The following LAMA4 variants were observed in gnomAD, a reference collection of about 807,000 sequenced individuals.
The protein encoded by LAMA4 is laminin subunit alpha-4.
In LAMA4, 127 loss-of-function variants were observed where a neutral mutation model predicts 207.1. The observed-to-expected ratio is 0.61, with a 90% CI of 0.53 to 0.71. The LOEUF (loss-of-function observed/expected upper bound fraction) is 0.71, where lower values mean the gene tolerates loss of function less well. LAMA4 is among the 30% of genes least tolerant of loss of function. The pLI, the probability that LAMA4 is intolerant of heterozygous loss-of-function variation, is 0.00. For synonymous variants in LAMA4, 761 were observed against 816.0 expected, an observed-to-expected ratio of 0.93 and a Z score of 1.15; for missense variants, 2,093 against 2,246.5, an observed-to-expected ratio of 0.93 and a Z score of 1.38.
At chr6:112,238,448 G>A (rs1212744567) in intron 2 of LAMA4, among the ~76,000 whole-genome samples, 1 of 152,158 alleles carries the variant, frequency 6.6e-6, no homozygotes, top group African/African-American at 2.4e-5. Context: ...GGTGGCTCAT[G>A]CCTGTAATTC....
At position 112,150,570 on chromosome 6, in the gene LAMA4, T is replaced by C. The variant is rs1780338421; in HGVS notation, c.2114A>G (p.Lys705Arg). The change falls in exon 17 of 39, where the codon AAA becomes AGA. Residue 705 changes from lysine to arginine, a missense_variant. This residue lies in a region of LAMA4 where 1,704 missense variants were observed against 1,788.4 expected (regional missense o/e 0.95). Coordinates refer to ENST00000230538, the MANE Select transcript of LAMA4 (RefSeq NM_001105206.3). ...ACTGAGTCTGGTTTTAAGGGCACTTTTCCTTGCTAGGGCTCCACCCACACG... is the reference window on the plus strand; with the variant it reads ...ACTGAGTCTGGTTTTAAGGGCACTTCTCCTTGCTAGGGCTCCACCCACACG... ...SRRVGGALAR[K>R]SALKTRLSDA... 3 of 1,614,046 alleles carry C rather than the reference T, an allele frequency of 1.9e-6. No homozygotes were observed. The African/African-American group carries it at 4.0e-5, about 22-fold the overall frequency.
At position 112,134,625 on chromosome 6, in the gene LAMA4, T is replaced by C; in HGVS notation, c.3415-16A>G. On this transcript the variant is annotated splice_polypyrimidine_tract_variant and intron_variant, in intron 25 of 38. Coordinates refer to ENST00000230538, the MANE Select transcript of LAMA4 (RefSeq NM_001105206.3). ...TGATTGAGATCTGGGAGAGATAATA[T>C]ATAGTAAGCCTTGATTAACTATTTA... 2.5e-6 allele frequency: 4 copies of C among 1,585,980 alleles called. No individual in the cohort carries two copies. The highest frequency in any genetic ancestry group is 1.3e-5 in the African/African-American group (1 of 74,482).
At position 112,109,423 on chromosome 6, in the gene LAMA4, T is replaced by G; in HGVS notation, c.*14A>C. 1 of 1,613,672 alleles carries G rather than the reference T, an allele frequency of 6.2e-7. No homozygotes were observed. Among genetic ancestry groups the G allele is most frequent in the Admixed American group, 1.7e-5 (1 of 59,988 alleles). ...CTAAAGAACTTTGTATTTGGGCAGC[T>G]GTGCTCTGTCATGTCAGGCTGCTGG... is the stretch of plus-strand genomic sequence containing the variant. On this transcript the variant is annotated 3_prime_UTR_variant, in exon 39 of 39. Coordinates refer to ENST00000230538, the MANE Select transcript of LAMA4 (RefSeq NM_001105206.3).
rs782633010 is a variant in LAMA4, at chr6:112,227,041, T to TTTTTTTTATTTA, written c.196-10573_196-10572insTAAATAAAAAAA. On this transcript the variant is annotated intron_variant, in intron 2 of 38. Coordinates refer to ENST00000230538, the MANE Select transcript of LAMA4 (RefSeq NM_001105206.3). ...AGAAAGAGTCTCAGGGCTTCGACTATTTTATTTATTTATTTATTTATTTAT... is the reference window on the plus strand; with the variant it reads ...AGAAAGAGTCTCAGGGCTTCGACTATTTTTTTTATTTATTTATTTATTTATTTATTTATTTAT... 1.1e-3 allele frequency among the ~76,000 whole-genome samples: 153 copies of TTTTTTTTATTTA among 141,706 alleles called. 1 individual carries two copies. The highest frequency in any genetic ancestry group is 3.7e-3 in the African/African-American group (141 of 38,114). 93.0% of individuals were successfully genotyped at this position (141,706 alleles called of 152,430 possible).
chr6:112,134,104 A>ACACAAAG (rs2114663581), intron 26 of LAMA4, among the ~76,000 whole-genome samples: 1 of 152,346 alleles, frequency 6.6e-6, no homozygotes, highest in African/African-American at 2.4e-5. Context: ...CTCAGATGCT[A>ACACAAAG]TTGGAGAGTT....
Position 112,140,963 on chromosome 6 carries a change from A to T in LAMA4, c.2814-41T>A, listed in dbSNP as rs574522640. ...ATTTTCACTTGTTATTATATAATTC[A>T]TAGAAAATACTTTTTAAATGTCAAA... is the stretch of plus-strand genomic sequence containing the variant. On this transcript the variant is annotated intron_variant, in intron 21 of 38. Transcript: ENST00000230538. 21 of 1,549,336 alleles carry T rather than the reference A, an allele frequency of 1.4e-5. No homozygotes were observed. The African/African-American group carries it at 2.7e-4, about 20-fold the overall frequency.
intron 16 of LAMA4, among the ~76,000 whole-genome samples, 188 bp from the exon 17 acceptor site, chr6:112,150,815 A>G (rs1307696983): frequency 6.6e-6 from 1 of 152,212 alleles, no homozygotes; most frequent in Non-Finnish European, 1.5e-5. Flanking sequence ...AGAATTGCAG[A>G]ACACTTGTAA....
chr6:112,114,332 C>T, intron 37 of LAMA4, 137 bp from the exon 38 acceptor site: 1 of 859,006 alleles, frequency 1.2e-6, no homozygotes. Context: ...TTATTAAAAT[C>T]ATCAATGATG....
chr6:112,207,100 C>T lies in LAMA4; in HGVS notation c.343G>A (p.Asp115Asn), dbSNP rs781919095. ...CTGATGGAATCTCCGATATAACCAT[C>T]CAGACACTTTTCACAGTGCTCTCCT... ...TTGEHCEKCL[D>N]GYIGDSIRGA... is the part of the protein sequence containing the mutation. Residue 115 changes from aspartate (D) to asparagine (N), a missense_variant, in exon 4 of 39, where the codon GAT becomes AAT. Coordinates refer to ENST00000230538, the MANE Select transcript of LAMA4 (RefSeq NM_001105206.3). 3.7e-6 allele frequency: 6 copies of T among 1,613,898 alleles called. No individual in the cohort carries two copies. Among genetic ancestry groups the T allele is most frequent in the Non-Finnish European group, 5.1e-6 (6 of 1,179,964 alleles).
At chr6:112,231,241 C>G (rs957247375) in intron 2 of LAMA4, among the ~76,000 whole-genome samples, 19 of 152,206 alleles carry the variant, frequency 1.2e-4, no homozygotes, top group African/African-American at 4.3e-4. Flanking sequence ...GGTCTTAATA[C>G]CACTCCCCAG....
rs2277086 is a variant in LAMA4 at position 112,154,781 on chromosome 6, C to T, written c.2056+70G>A. The T allele has an allele frequency of 8.4e-3, 7,896 of 941,886 alleles. 227 individuals carry two copies. The highest frequency in any genetic ancestry group is 0.082 in the East Asian group (3,425 of 41,816). The allele number at this position is 941,886 out of a possible 1,614,324, so 58.3% of individuals were successfully genotyped here. ...TCTTTAATCCTAGATTTGGAAATCT[C>T]TGTCTACGTGTATGAAAGGAGGGAA... On this transcript the variant is annotated intron_variant, in intron 16 of 38. Transcript: ENST00000230538.
intron 2 of LAMA4, among the ~76,000 whole-genome samples, chr6:112,247,542 G>A (rs1405658988): frequency 1.3e-5 from 2 of 152,084 alleles, no homozygotes; most frequent in Non-Finnish European, 2.9e-5. Flanking sequence ...AAAACCAGAA[G>A]ACCTGGCAAT....
chr6:112,144,023 A>T (rs1258279813), intron 19 of LAMA4, among the ~76,000 whole-genome samples: 1 of 152,208 alleles, frequency 6.6e-6, no homozygotes, highest in Admixed American at 6.5e-5. Flanking sequence ...TAGGACCAGT[A>T]GTCTGCTCAG....
intron 9 of LAMA4, among the ~76,000 whole-genome samples, chr6:112,181,732 TG>T (rs1782370493): frequency 6.6e-6 from 1 of 152,184 alleles, no homozygotes; most frequent in Non-Finnish European, 1.5e-5. Context: ...TTTACTTATC[TG>T]TTTCCCTGCT....
chr6:112,210,299 G>T (rs1378667792), intron 3 of LAMA4, among the ~76,000 whole-genome samples: 4 of 151,942 alleles, frequency 2.6e-5, no homozygotes, highest in African/African-American at 9.7e-5. Flanking sequence ...ACAGCAGTTA[G>T]GTATGACTTT....
At chr6:112,181,009 C>A (rs187916454) in intron 9 of LAMA4, among the ~76,000 whole-genome samples, 1 of 152,140 alleles carries the variant, frequency 6.6e-6, no homozygotes, top group African/African-American at 2.4e-5. Context: ...CATTCGTGTT[C>A]GTAGTCTTAG....
intron 3 of LAMA4, among the ~76,000 whole-genome samples, chr6:112,210,854 C>G (rs1784320578): frequency 6.6e-6 from 1 of 151,872 alleles, no homozygotes; most frequent in Non-Finnish European, 1.5e-5. Flanking sequence ...AACATATTGT[C>G]TTAACATGGA....
At position 112,187,515 on chromosome 6, in the gene LAMA4, C is replaced by G; in HGVS notation, c.901G>C (p.Val301Leu). ...CTATGAGCGGCGGCCCCAGAGGATA[C>G]GCTCAGCACCCCGGATTTGCCTTCC... ...IEEGKSGVLS[V>L]SSGAAAHRHV... is the part of the protein sequence containing the mutation. The change falls in exon 8 of 39, where the codon GTA (valine) becomes CTA (leucine). Residue 301 changes from valine (V) to leucine (L), a missense_variant. Physicochemically the swap from Val to Leu is conservative, Grantham distance 32. Around this residue, in one of 3 missense-constraint regions of LAMA4, gnomAD observed 1,704 missense variants for 1,788.4 expected, o/e 0.95. Coordinates refer to ENST00000230538, the MANE Select transcript of LAMA4 (RefSeq NM_001105206.3). 1 of 1,614,104 alleles carries G rather than the reference C, an allele frequency of 6.2e-7. No individual in the cohort carries two copies. The highest frequency in any genetic ancestry group is 8.5e-7 in the Non-Finnish European group (1 of 1,180,004).
chr6:112,213,251 G>A (rs2115046955), intron 3 of LAMA4, among the ~76,000 whole-genome samples: 1 of 152,336 alleles, frequency 6.6e-6, no homozygotes, highest in Admixed American at 6.5e-5. Context: ...ACTAACCTTA[G>A]TTAGAGCTCC....
Sources: gnomAD v4.1 joint callset for allele counts (sites outside exome capture counted in the v4.1 genomes callset) on GRCh38, gnomAD v4.1.1 for gene constraint, gnomAD v4.1.1 regional missense constraint, MANE v1.5 for transcripts, NCBI Gene and HGNC (gene_info 2026-07-23, HGNC 2026-07-21) for gene names.